RIC8B: variants seen among roughly 807,000 people sequenced by gnomAD.
RIC8B encodes chaperone Ric-8B.
In RIC8B, 16 loss-of-function variants were observed where a neutral mutation model predicts 57.5. The observed-to-expected ratio is 0.28, with a 90% confidence interval of 0.19 to 0.42. The LOEUF is 0.42. Among genes scored for constraint, RIC8B ranks in the 10% least tolerant of loss-of-function variants. RIC8B has a pLI of 1.00. For missense variants in RIC8B, 481 were observed against 677.0 expected (o/e 0.71, Z 3.21); for synonymous variants, 216 against 250.8 (o/e 0.86, Z 1.31).
At chr12:106,799,080 G>A (rs1004079876) in intron 2 of RIC8B, among the ~76,000 whole-genome samples, 1 of 152,150 alleles carries the variant, frequency 6.6e-6, no homozygotes, top group Non-Finnish European at 1.5e-5. Flanking sequence ...CTGTATCAGG[G>A]TGGTGTACAT....
intron 8 of RIC8B, among the ~76,000 whole-genome samples, chr12:106,870,114 A>C (rs1191841758): frequency 2.6e-5 from 4 of 151,836 alleles, no homozygotes; most frequent in Non-Finnish European, 5.9e-5. Flanking sequence ...TCTCTAAGAG[A>C]ATAGTTTGTT....
intron 2 of RIC8B, among the ~76,000 whole-genome samples, chr12:106,785,791 C>G (rs992787500): frequency 1.7e-5 from 2 of 117,160 alleles, no homozygotes; most frequent in African/African-American, 6.6e-5. Context: ...CTATGTCTCT[C>G]TCTCTCTCTC....
Position 106,833,187 on chromosome 12 carries a change from T to TTA in RIC8B, c.836+7377_836+7378dup, listed in dbSNP as rs761595531. ...TCAAGTATATTTATTTACATATACC[T>TTA]TATATATATATGCTGCTAAACTGAC... On this transcript the variant is annotated intron_variant, in intron 4 of 9. Coordinates refer to ENST00000392837, the MANE Select transcript of RIC8B (RefSeq NM_001330145.2). 1.2e-3 allele frequency among the ~76,000 whole-genome samples: 183 copies of TTA among 152,142 alleles called. 2 individuals are homozygous for TTA. Among genetic ancestry groups the TTA allele is most frequent in the African/African-American group, 3.8e-3 (158 of 41,498 alleles).
At chr12:106,789,644 C>T (rs930422565) in intron 2 of RIC8B, among the ~76,000 whole-genome samples, 2 of 152,022 alleles carry the variant, frequency 1.3e-5, no homozygotes, top group East Asian at 1.9e-4. Context: ...TGGGGGAAAC[C>T]GCCCCCATGA....
chr12:106,875,490 C>G (rs1019475206), intron 9 of RIC8B, among the ~76,000 whole-genome samples: 19 of 152,128 alleles, frequency 1.2e-4, no homozygotes, highest in African/African-American at 4.1e-4. Context: ...GGTGCCTCCT[C>G]TAGAAAAGGG....
chr12:106,874,722 A>G (rs1403771609), intron 9 of RIC8B, among the ~76,000 whole-genome samples: 1 of 152,246 alleles, frequency 6.6e-6, no homozygotes, highest in Non-Finnish European at 1.5e-5. Context: ...TCATCACCTT[A>G]GCAGCTTTCT....
chr12:106,837,340 C>T (rs543814544), intron 4 of RIC8B, among the ~76,000 whole-genome samples: 51 of 151,684 alleles, frequency 3.4e-4, no homozygotes, highest in African/African-American at 9.2e-4. Flanking sequence ...CCAGCCTGGG[C>T]GACAGAGCAA....
rs181573070 is a variant in RIC8B, at chr12:106,867,240, T to C, written c.1452-3583T>C. ...CCTTTTTAGTGTGTCTTAATCCTTT[T>C]GTCTCCAGGCCCATAGCTGTTGTCA... is the stretch of plus-strand genomic sequence containing the variant. On this transcript the variant is annotated intron_variant, in intron 8 of 9. Transcript: ENST00000392837. The surrounding 1 kb of genome is among the most constrained non-coding windows in gnomAD (Gnocchi z 4.3). 9.3e-4 allele frequency among the ~76,000 whole-genome samples: 141 copies of C among 152,342 alleles called. No individual in the cohort carries two copies. The highest frequency in any genetic ancestry group is 1.1e-3 in the Non-Finnish European group (72 of 68,036).
chr12:106,819,119 A>T (rs949559540), intron 3 of RIC8B, among the ~76,000 whole-genome samples: 4 of 152,190 alleles, frequency 2.6e-5, no homozygotes, highest in African/African-American at 9.7e-5. Context: ...GAATATATAT[A>T]TACATTTTTA....
intron 2 of RIC8B, among the ~76,000 whole-genome samples, chr12:106,787,755 C>A (rs2044098339): frequency 6.6e-6 from 1 of 152,090 alleles, no homozygotes; most frequent in Non-Finnish European, 1.5e-5. Flanking sequence ...CCCCATGATT[C>A]AAATTATCTC....
chr12:106,806,328 A>C (rs1483293736), intron 2 of RIC8B, among the ~76,000 whole-genome samples: 1 of 152,096 alleles, frequency 6.6e-6, no homozygotes, highest in East Asian at 1.9e-4. Flanking sequence ...CTGCATTTCA[A>C]ACAGCTGACC....
At chr12:106,801,959 A>G (rs1160425086) in intron 2 of RIC8B, among the ~76,000 whole-genome samples, 1 of 152,136 alleles carries the variant, frequency 6.6e-6, no homozygotes, top group Admixed American at 6.5e-5. Context: ...GAAATTAAGG[A>G]CTATCAGATT....
intron 2 of RIC8B, among the ~76,000 whole-genome samples, chr12:106,810,187 C>A (rs1593167457): frequency 6.8e-6 from 1 of 146,348 alleles, no homozygotes. Context: ...CCCACCTCAG[C>A]CTCCTAAAGT....
At chr12:106,809,063 A>G (rs1363356929) in intron 2 of RIC8B, among the ~76,000 whole-genome samples, 1 of 152,122 alleles carries the variant, frequency 6.6e-6, no homozygotes, top group African/African-American at 2.4e-5. Flanking sequence ...TGGAGGGAAA[A>G]AAAGGCCTAA....
chr12:106,789,985 G>A (rs1201358117), intron 2 of RIC8B, among the ~76,000 whole-genome samples: 1 of 151,474 alleles, frequency 6.6e-6, no homozygotes, highest in Non-Finnish European at 1.5e-5. Context: ...ATAAATTAAT[G>A]ATCTTTAGAC....
chr12:106,861,565 T>C (rs1313648627), intron 8 of RIC8B, among the ~76,000 whole-genome samples: 1 of 152,030 alleles, frequency 6.6e-6, no homozygotes, highest in Non-Finnish European at 1.5e-5. Context: ...GCAATGACTC[T>C]AAGCACTATT....
At chr12:106,819,672 A>T (rs1233329816) in intron 3 of RIC8B, among the ~76,000 whole-genome samples, 4 of 150,750 alleles carry the variant, frequency 2.7e-5, no homozygotes, top group African/African-American at 7.3e-5. Context: ...AGGTGGGAGG[A>T]TCACTTGAGC....
chr12:106,830,331 A>T (rs922386756), intron 4 of RIC8B, among the ~76,000 whole-genome samples: 7 of 152,182 alleles, frequency 4.6e-5, no homozygotes, highest in African/African-American at 1.7e-4. Context: ...AAATGTTTGA[A>T]AATTGATTTC....
At chr12:106,776,970 C>A (rs980194431) in intron 1 of RIC8B, among the ~76,000 whole-genome samples, 3 of 152,164 alleles carry the variant, frequency 2.0e-5, no homozygotes, top group East Asian at 3.9e-4. Flanking sequence ...TCCTCCCCCC[C>A]ACCGACCCTC....
Sources: allele counts gnomAD v4.1 joint callset (sites outside exome capture counted in the v4.1 genomes callset), GRCh38; gene constraint gnomAD v4.1.1; non-coding constraint Gnocchi (gnomAD v3.1); transcripts MANE v1.5; gene names NCBI Gene and HGNC (gene_info 2026-07-23, HGNC 2026-07-21).